Variants in RTCB observed in about 807,000 individuals in gnomAD.
The protein encoded by RTCB is RNA-splicing ligase RTCB.
RTCB carries 32 observed loss-of-function variants against 58.2 expected under a neutral mutation model. That is an observed-to-expected ratio of 0.55 (90% confidence interval 0.41 to 0.74). The LOEUF (loss-of-function observed/expected upper bound fraction) is 0.74. Ranked by LOEUF, RTCB falls within the 30% of genes least tolerant of loss-of-function variation. The pLI is 0.00. For missense variants in RTCB, 523 were observed against 639.0 expected (o/e 0.82, Z 1.96); for synonymous variants, 247 against 218.6 (o/e 1.13, Z -1.15).
rs761669744 is a variant in RTCB, at chr22:32,395,167, A to G, written c.1038T>C (p.His346=). The G allele has an allele frequency of 3.1e-6, 5 of 1,614,220 alleles. No homozygotes were observed. Among genetic ancestry groups the G allele is most frequent in the Admixed American group, 3.3e-5 (2 of 60,032 alleles). The change falls in exon 9 of 12, where the codon CAT becomes CAC. Residue 346 remains histidine, a synonymous_variant. Coordinates refer to ENST00000216038, the MANE Select transcript of RTCB (RefSeq NM_014306.5). ...FNTTPDDLDL[H]VIYDVSHNIA... is the part of the protein sequence containing the mutation. ...TGTTGTGAGAAACATCATAGATCAC[A>G]TGTAGGTCCAAGTCATCAGGGGTTG...
intron 1 of RTCB, among the ~76,000 whole-genome samples, chr22:32,411,044 C>A (rs1195180089): frequency 6.6e-6 from 1 of 152,148 alleles, no homozygotes; most frequent in Non-Finnish European, 1.5e-5. Flanking sequence ...TTCAGGGTAA[C>A]GGTTTCCACA....
intron 9 of RTCB, among the ~76,000 whole-genome samples, chr22:32,394,428 T>C (rs1933209943): frequency 6.6e-6 from 1 of 152,188 alleles, no homozygotes. Context: ...CCCAGACTTC[T>C]AAACGCGCGG....
At chr22:32,395,753 G>A (rs1332768086) in intron 8 of RTCB, among the ~76,000 whole-genome samples, 1 of 152,096 alleles carries the variant, frequency 6.6e-6, no homozygotes, top group Non-Finnish European at 1.5e-5. Context: ...GGAGTGCAGT[G>A]GCACGATCTC....
rs543654367 is a variant in RTCB, at chr22:32,411,907, G to A, written c.93+157C>T. Among the ~76,000 whole-genome samples the A allele has an allele frequency of 1.4e-4, 22 of 152,308 alleles. No individual in the cohort carries two copies. The South Asian group carries it at 3.1e-3, about 22-fold the overall frequency. The stretch of plus-strand genomic sequence containing the variant: ...GAGGTGGTGCCGGAACAGGTTGGGC[G>A]GCCCCAGAACCGTGAGGGGAGAAGG... On this transcript the variant is annotated intron_variant, in intron 1 of 11. Transcript: ENST00000216038.
chr22:32,391,402 T>C (rs1208566199), intron 11 of RTCB, among the ~76,000 whole-genome samples: 1 of 151,680 alleles, frequency 6.6e-6, no homozygotes, highest in Non-Finnish European at 1.5e-5. Context: ...TAAATTTTTT[T>C]TTTTTTTTTT....
At chr22:32,405,119 A>T (rs1378194798) in intron 4 of RTCB, among the ~76,000 whole-genome samples, 1 of 152,104 alleles carries the variant, frequency 6.6e-6, no homozygotes, top group African/African-American at 2.4e-5. Flanking sequence ...CTAAGACATT[A>T]TTTGTCTATT....
chr22:32,396,051 C>G, intron 8 of RTCB, 23 bp downstream of exon 8: 1 of 1,611,502 alleles, frequency 6.2e-7, no homozygotes, highest in Non-Finnish European at 8.5e-7. Context: ...TGACTCGGAA[C>G]AGAAGAGCAA....
chr22:32,389,805 C>T (rs1205463752), intron 11 of RTCB, among the ~76,000 whole-genome samples: 2 of 152,186 alleles, frequency 1.3e-5, no homozygotes, highest in African/African-American at 2.4e-5. Context: ...TGTCAGATCA[C>T]GTCACTATTC....
rs150204860 is a variant in RTCB at position 32,389,150 on chromosome 22, G to A, written c.1411-1051C>T. 1.1e-4 allele frequency among the ~76,000 whole-genome samples: 17 copies of A among 152,210 alleles called. No homozygotes were observed. In the East Asian group the frequency reaches 3.3e-3, roughly 29 times the overall value. On this transcript the variant is annotated intron_variant, in intron 11 of 11. Transcript: ENST00000216038. ...AAACTACCTTTGGCTGTAGTTATCT[G>A]TGGGAGCCTGAATCACTCCCCAGTA...
intron 11 of RTCB, among the ~76,000 whole-genome samples, chr22:32,391,853 G>A (rs1445871361): frequency 1.3e-5 from 2 of 152,118 alleles, no homozygotes; most frequent in African/African-American, 4.8e-5. Flanking sequence ...AACAAAATCT[G>A]TTCTCCTGTG....
At chr22:32,403,965 C>T (rs556315674) in intron 4 of RTCB, among the ~76,000 whole-genome samples, 1 of 152,344 alleles carries the variant, frequency 6.6e-6, no homozygotes, top group East Asian at 1.9e-4. Context: ...TATTTCTCAG[C>T]ATATCCTCTA....
intron 5 of RTCB, among the ~76,000 whole-genome samples, chr22:32,400,731 C>T (rs73168729): frequency 0.12 from 18,760 of 152,110 alleles, 1,553 homozygotes; most frequent in Non-Finnish European, 0.19. Context: ...AATAACATTA[C>T]AAGTAACAGC....
chr22:32,401,668 G>A (rs1933338071), intron 5 of RTCB, 79 bp downstream of exon 5: 1 of 1,460,026 alleles, frequency 6.8e-7, no homozygotes, highest in Non-Finnish European at 9.4e-7. Context: ...TCTCTCAAGT[G>A]TACTGCACTG....
chr22:32,412,179 A>G lies in RTCB; in HGVS notation c.-23T>C. 1 of 1,560,304 alleles carries G rather than the reference A, an allele frequency of 6.4e-7. No individual in the cohort carries two copies. ...CATGGTGGCGAAAACTGTAGCAAAA[A>G]CTCCCGGCTCCGCTTTGAAGAGCCG... On this transcript the variant is annotated 5_prime_UTR_variant, in exon 1 of 12. Transcript: ENST00000216038.
At chr22:32,399,303 ATT>A (rs879258614) in intron 6 of RTCB, among the ~76,000 whole-genome samples, 1 of 143,648 alleles carries the variant, frequency 7.0e-6, no homozygotes, top group Non-Finnish European at 1.5e-5. Flanking sequence ...TGCCTGGCTA[ATT>A]TTTTTTTTTT....
At chr22:32,391,886 A>C (rs1933159421) in intron 11 of RTCB, among the ~76,000 whole-genome samples, 1 of 152,208 alleles carries the variant, frequency 6.6e-6, no homozygotes, top group East Asian at 1.9e-4. Context: ...CTTTCTCCAA[A>C]CATTTATGCC....
Position 32,387,927 on chromosome 22 carries a change from G to T in RTCB, c.*65C>A. On this transcript the variant is annotated 3_prime_UTR_variant, in exon 12 of 12. Coordinates refer to ENST00000216038, the MANE Select transcript of RTCB (RefSeq NM_014306.5). ...CCGCCTTGAGTCTGATGTCAGAAGA[G>T]CATGTCAGTCCACTTCCACTTCAGA... The T allele has an allele frequency of 1.9e-6, 2 of 1,054,086 alleles. No homozygotes were observed. Among genetic ancestry groups the T allele is most frequent in the African/African-American group, 1.6e-5 (1 of 64,244 alleles). The allele number at this position is 1,054,086 out of a possible 1,614,324, so 65.3% of individuals were successfully genotyped here.
rs117422174 is a variant in RTCB at position 32,389,571 on chromosome 22, C to T, written c.1411-1472G>A. Among the ~76,000 whole-genome samples, 180 of 152,132 alleles carry T rather than the reference C, an allele frequency of 1.2e-3. 2 individuals carry two copies. The East Asian group carries it at 0.031, about 27-fold the overall frequency. ...AAGCGATACTCTCACCTCAGCCTCC[C>T]GAAAGTGCTGGGATTACAGGTGTGA... is the stretch of plus-strand genomic sequence containing the variant. On this transcript the variant is annotated intron_variant, in intron 11 of 11. Coordinates refer to ENST00000216038, the MANE Select transcript of RTCB (RefSeq NM_014306.5).
intron 4 of RTCB, among the ~76,000 whole-genome samples, chr22:32,405,377 G>GCC (rs1297331646): frequency 2.0e-5 from 3 of 152,112 alleles, no homozygotes; most frequent in Non-Finnish European, 4.4e-5. Flanking sequence ...GAAATTTGAT[G>GCC]CCTGCTTTAC....
Sources: allele counts gnomAD v4.1 joint callset (sites outside exome capture counted in the v4.1 genomes callset), GRCh38; gene constraint gnomAD v4.1.1; transcripts MANE v1.5; gene names NCBI Gene and HGNC (gene_info 2026-07-23, HGNC 2026-07-21).